Variants in BLTP3B observed in about 807,000 individuals in gnomAD.
BLTP3B encodes the protein UHRF1 (ICBP90) binding protein 1-like.
the BLTP3B span, among the ~76,000 whole-genome samples, chr12:100,125,996 T>C: frequency 6.6e-6 from 1 of 152,168 alleles, no homozygotes; most frequent in Non-Finnish European, 1.5e-5. Flanking sequence ...CCAGGTGCAG[T>C]GGCTCACGCC....
chr12:100,040,758 T>C, the BLTP3B span, among the ~76,000 whole-genome samples: 2 of 151,830 alleles, frequency 1.3e-5, no homozygotes, highest in African/African-American at 4.8e-5. Context: ...AAAAAGACAA[T>C]AACTACCTAA....
chr12:100,065,131 T>G, the BLTP3B span, among the ~76,000 whole-genome samples: 3 of 152,132 alleles, frequency 2.0e-5, no homozygotes, highest in African/African-American at 7.2e-5. Context: ...CATTTATCAC[T>G]TCCCTAATAA....
the BLTP3B span, among the ~76,000 whole-genome samples, chr12:100,053,248 T>C: frequency 6.6e-6 from 1 of 151,690 alleles, no homozygotes; most frequent in African/African-American, 2.4e-5. Context: ...CGACTAAAAA[T>C]ACAAAAATTA....
At chr12:100,128,827 G>GAA in the BLTP3B span, 1,183 of 919,066 alleles carry the variant, frequency 1.3e-3, no homozygotes, top group South Asian at 2.5e-3. Flanking sequence ...GTGCCCTTTG[G>GAA]AAAAAAAAAA....
the BLTP3B span, among the ~76,000 whole-genome samples, chr12:100,140,610 C>G: frequency 8.3e-5 from 12 of 144,286 alleles, no homozygotes; most frequent in Non-Finnish European, 1.5e-4. Context: ...GAGGCTGAGG[C>G]AGGAGAACTG....
chr12:100,121,326 G>A, the BLTP3B span, among the ~76,000 whole-genome samples: 2 of 148,168 alleles, frequency 1.3e-5, no homozygotes, highest in African/African-American at 5.0e-5. Flanking sequence ...TTCCAGCCTG[G>A]GCAACAAGAG....
the BLTP3B span, chr12:100,086,309 C>A: frequency 3.3e-6 from 5 of 1,532,896 alleles, no homozygotes; most frequent in Non-Finnish European, 4.4e-6. Flanking sequence ...CTATAGTTAG[C>A]TGTGTAAAAG....
At chr12:100,066,961 T>C in the BLTP3B span, among the ~76,000 whole-genome samples, 1 of 151,988 alleles carries the variant, frequency 6.6e-6, no homozygotes. Flanking sequence ...CCTCAATAAA[T>C]TTAAGAAAGT....
At chr12:100,109,118 T>G in the BLTP3B span, among the ~76,000 whole-genome samples, 30 of 145,482 alleles carry the variant, frequency 2.1e-4, no homozygotes, top group Non-Finnish European at 3.6e-4. Context: ...AGGGAGTGAG[T>G]TCTCACAAGA....
the BLTP3B span, chr12:100,086,374 G>GC: frequency 2.1e-5 from 13 of 608,374 alleles, no homozygotes; most frequent in Admixed American, 2.7e-4. Flanking sequence ...AAAAAAAAAG[G>GC]GGGGGGGGGA....
At chr12:100,057,534 A>G in the BLTP3B span, 2 of 1,562,054 alleles carry the variant, frequency 1.3e-6, no homozygotes, top group Non-Finnish European at 1.7e-6. Context: ...AGGTGTATGT[A>G]CGTAATATGA....
At chr12:100,058,066 G>T in the BLTP3B span, 2 of 1,584,626 alleles carry the variant, frequency 1.3e-6, no homozygotes, top group Non-Finnish European at 1.7e-6. Context: ...CTAACTGGGG[G>T]GGTCTCTTCT....
the BLTP3B span, among the ~76,000 whole-genome samples, chr12:100,053,577 G>A: frequency 2.0e-5 from 3 of 152,094 alleles, no homozygotes; most frequent in African/African-American, 7.2e-5. Context: ...ATGCACGCAT[G>A]CACATACATA....
chr12:100,113,253 A>G, the BLTP3B span, among the ~76,000 whole-genome samples: 4 of 152,054 alleles, frequency 2.6e-5, no homozygotes, highest in African/African-American at 9.7e-5. Context: ...AGGTGGCTGG[A>G]TCACCTGAGG....
At chr12:100,134,711 C>T in the BLTP3B span, among the ~76,000 whole-genome samples, 2 of 152,146 alleles carry the variant, frequency 1.3e-5, no homozygotes, top group African/African-American at 4.8e-5. Context: ...GCAGTCTTCT[C>T]CAATTTTCCG....
chr12:100,121,350 C>T, the BLTP3B span, among the ~76,000 whole-genome samples: 2 of 105,084 alleles, frequency 1.9e-5, no homozygotes, highest in African/African-American at 3.6e-5. Context: ...AACTCCATCT[C>T]ATGGAAAAAA....
At chr12:100,056,182 A>G in the BLTP3B span, among the ~76,000 whole-genome samples, 1 of 152,170 alleles carries the variant, frequency 6.6e-6, no homozygotes, top group African/African-American at 2.4e-5. Flanking sequence ...AGCCCATGAG[A>G]GCTTACCCCT....
the BLTP3B span, among the ~76,000 whole-genome samples, chr12:100,125,240 G>A: frequency 6.7e-6 from 1 of 150,106 alleles, no homozygotes; most frequent in Admixed American, 6.7e-5. Flanking sequence ...GGCTGAAGCA[G>A]GAGAATCGCT....
the BLTP3B span, among the ~76,000 whole-genome samples, chr12:100,055,677 C>CAAAAA: frequency 1.2e-5 from 1 of 83,370 alleles, no homozygotes; most frequent in Non-Finnish European, 2.7e-5. Flanking sequence ...AACTACATCT[C>CAAAAA]AAAAAAAAAA....
Sources: allele counts gnomAD v4.1 joint callset (sites outside exome capture counted in the v4.1 genomes callset), GRCh38; gene constraint gnomAD v4.1.1; transcripts MANE v1.5; gene names NCBI Gene and HGNC (gene_info 2026-07-23, HGNC 2026-07-21).